GFOD1: variants seen among roughly 807,000 people sequenced by gnomAD.
The protein encoded by GFOD1 is Gfo/Idh/MocA-like oxidoreductase domain containing 1.
GFOD1 carries 9 observed loss-of-function variants against 25.4 expected under a neutral mutation model. The observed-to-expected ratio is 0.35, with a 90% confidence interval of 0.21 to 0.62. The LOEUF (loss-of-function observed/expected upper bound fraction) is 0.62, where lower values mean the gene tolerates loss of function less well. Ranked by LOEUF, GFOD1 falls within the 20% of genes least tolerant of loss-of-function variation. GFOD1 has a pLI of 0.72. For synonymous variants in GFOD1, 253 were observed against 245.6 expected, an observed-to-expected ratio of 1.03 and a Z score of -0.28; for missense variants, 403 against 556.9, an observed-to-expected ratio of 0.72 and a Z score of 2.78.
intron 1 of GFOD1, among the ~76,000 whole-genome samples, chr6:13,386,524 G>A (rs56119181): frequency 0.011 from 1,676 of 152,304 alleles, 28 homozygotes; most frequent in Middle Eastern, 0.02. Flanking sequence ...AACGTTTGGG[G>A]CAGAATGTCT....
Position 13,465,174 on chromosome 6 carries a change from G to C in GFOD1, c.253+21464C>G, listed in dbSNP as rs142798889. Among the ~76,000 whole-genome samples, 642 of 151,752 alleles carry C rather than the reference G, an allele frequency of 4.2e-3. 4 individuals carry two copies. The highest frequency in any genetic ancestry group is 0.015 in the African/African-American group (626 of 41,368). ...CTTTTGGCTTCCCTGGGCCACATTG[G>C]AAGAATTGTCTTGGGCCACATACAA... On this transcript the variant is annotated intron_variant, in intron 1 of 1. Coordinates refer to ENST00000379287, the MANE Select transcript of GFOD1 (RefSeq NM_018988.4).
chr6:13,369,609 C>T (rs1225404580), intron 1 of GFOD1, among the ~76,000 whole-genome samples: 3 of 152,146 alleles, frequency 2.0e-5, no homozygotes, highest in African/African-American at 7.2e-5. Context: ...CTGCAGTGAG[C>T]TATGACTGTG....
At chr6:13,412,442 A>C (rs1192814100) in intron 1 of GFOD1, among the ~76,000 whole-genome samples, 1 of 152,204 alleles carries the variant, frequency 6.6e-6, no homozygotes, top group Non-Finnish European at 1.5e-5. Context: ...AAACTATGAG[A>C]AGATAAATTT....
chr6:13,430,505 C>A lies in GFOD1; in HGVS notation c.253+56133G>T, dbSNP rs1485539194. 6.6e-6 allele frequency among the ~76,000 whole-genome samples: 1 copy of A among 151,874 alleles called. No homozygotes were observed. Among genetic ancestry groups the A allele is most frequent in the African/African-American group, 2.4e-5 (1 of 41,344 alleles). ...TCCAGCCATTGCACTGTGAAGGAAC[C>A]CGAGCCACATAGGGTATGGCATCAA... is the stretch of plus-strand genomic sequence containing the variant. On this transcript the variant is annotated intron_variant, in intron 1 of 1. Transcript: ENST00000379287. This position sits in a 1 kb window ranked among gnomAD's most constrained non-coding sequence, Gnocchi z 4.1.
intron 1 of GFOD1, among the ~76,000 whole-genome samples, chr6:13,381,913 GCGCACACACACACA>G (rs1283653122): frequency 1.9e-5 from 2 of 104,526 alleles, no homozygotes; most frequent in African/African-American, 6.2e-5. Context: ...ACACGCGCGC[GCGCACACACACACA>G]CACACACACA....
rs1378471073 is a variant in GFOD1, at chr6:13,418,445, TGAA to T, written c.254-52786_254-52784del. ...GCCATCAGGGATGATTCTCCTTGCA[TGAA>T]GAAGTTTTATTTTTTTATCTCAGCC... On this transcript the variant is annotated intron_variant, in intron 1 of 1. Coordinates refer to ENST00000379287, the MANE Select transcript of GFOD1 (RefSeq NM_018988.4). 1.2e-4 allele frequency among the ~76,000 whole-genome samples: 19 copies of T among 152,350 alleles called. No homozygotes were observed. In the South Asian group the frequency reaches 3.9e-3, roughly 32 times the overall value.
In GFOD1 at chr6:13,373,575, A is replaced by G. The variant is rs371870630; in HGVS notation, c.254-7913T>C. Among the ~76,000 whole-genome samples the G allele has an allele frequency of 2.6e-5, 4 of 152,172 alleles. 1 individual carries two copies. The South Asian group carries it at 8.3e-4, about 32-fold the overall frequency. ...AAGACAAATCTCTGGTTTCAACAGA[A>G]CTAAGCATATGAACAGAGCTATTTA... On this transcript the variant is annotated intron_variant, in intron 1 of 1. Coordinates refer to ENST00000379287, the MANE Select transcript of GFOD1 (RefSeq NM_018988.4).
intron 1 of GFOD1, among the ~76,000 whole-genome samples, chr6:13,377,099 T>C (rs561735903): frequency 2.6e-5 from 4 of 151,668 alleles, no homozygotes; most frequent in African/African-American, 4.8e-5. Flanking sequence ...TCCAGAAACA[T>C]TGGGTTTCTT....
chr6:13,476,809 A>G (rs1205312431), intron 1 of GFOD1, among the ~76,000 whole-genome samples: 1 of 152,180 alleles, frequency 6.6e-6, no homozygotes, highest in Non-Finnish European at 1.5e-5. Flanking sequence ...TTAATTCTCC[A>G]CAGTAGGATA....
chr6:13,482,831 T>C (rs1037323383), intron 1 of GFOD1, among the ~76,000 whole-genome samples: 2 of 152,108 alleles, frequency 1.3e-5, no homozygotes, highest in African/African-American at 4.8e-5. Flanking sequence ...ATATATATTA[T>C]TTTTAATACT....
At chr6:13,405,767 T>C (rs1785933521) in intron 1 of GFOD1, among the ~76,000 whole-genome samples, 1 of 152,214 alleles carries the variant, frequency 6.6e-6, no homozygotes, top group East Asian at 1.9e-4. Flanking sequence ...ACAGCTTCTA[T>C]TTTTGCTGCT....
At chr6:13,432,587 C>G (rs1020873805) in intron 1 of GFOD1, among the ~76,000 whole-genome samples, 1 of 152,084 alleles carries the variant, frequency 6.6e-6, no homozygotes, top group Non-Finnish European at 1.5e-5. Flanking sequence ...TCCACGTCAG[C>G]CAAAGGTGAC....
At chr6:13,433,179 G>C (rs1309313053) in intron 1 of GFOD1, among the ~76,000 whole-genome samples, 1 of 150,866 alleles carries the variant, frequency 6.6e-6, no homozygotes, top group Non-Finnish European at 1.5e-5. Context: ...GAGTGCAATG[G>C]CACAATCTCA....
At chr6:13,474,496 T>C (rs918204040) in intron 1 of GFOD1, among the ~76,000 whole-genome samples, 1 of 152,218 alleles carries the variant, frequency 6.6e-6, no homozygotes, top group African/African-American at 2.4e-5. Context: ...AATCCAATAA[T>C]GATTTTTGAG....
rs559592477 is a variant in GFOD1 at position 13,368,079 on chromosome 6, G to A, written c.254-2417C>T. Among the ~76,000 whole-genome samples the A allele has an allele frequency of 1.5e-4, 23 of 152,378 alleles. No individual in the cohort carries two copies. The South Asian group carries it at 4.6e-3, about 30-fold the overall frequency. The stretch of plus-strand genomic sequence containing the variant: ...TTGTAGAAGTCGTGAGATTGCAGAT[G>A]TCTGTCCAGGGCCACAGCCTGGCAC... On this transcript the variant is annotated intron_variant, in intron 1 of 1. Transcript: ENST00000379287.
At chr6:13,383,735 A>G (rs760357444) in intron 1 of GFOD1, among the ~76,000 whole-genome samples, 1 of 152,222 alleles carries the variant, frequency 6.6e-6, no homozygotes, top group Non-Finnish European at 1.5e-5. Context: ...AAGCTTAACC[A>G]ATTAGAAATG....
In GFOD1 at chr6:13,487,477, A is replaced by C. The variant is rs1320734104; in HGVS notation, c.-587T>G. On this transcript the variant is annotated 5_prime_UTR_variant, in exon 1 of 2. Transcript: ENST00000379287. This position sits in a 1 kb window ranked among gnomAD's most constrained non-coding sequence, Gnocchi z 4.9. ...AAGGATGCGGCCCGGAGCGCGCCGGACTGGGATCCCGAGCTGCAGCGCGGC... is the reference window on the plus strand; with the variant it reads ...AAGGATGCGGCCCGGAGCGCGCCGGCCTGGGATCCCGAGCTGCAGCGCGGC... The C allele has an allele frequency of 2.0e-5, 3 of 151,754 alleles. No homozygotes were observed. The highest frequency in any genetic ancestry group is 4.4e-5 in the Non-Finnish European group (3 of 67,922). 9.4% of individuals were successfully genotyped at this position (151,754 alleles called of 1,614,324 possible).
chr6:13,424,696 T>C (rs887711478), intron 1 of GFOD1, among the ~76,000 whole-genome samples: 2 of 151,990 alleles, frequency 1.3e-5, no homozygotes, highest in Admixed American at 6.6e-5. Context: ...TTAATAGTGG[T>C]TATTCCTCAT....
chr6:13,476,228 G>T (rs1017537289), intron 1 of GFOD1, among the ~76,000 whole-genome samples: 1 of 152,048 alleles, frequency 6.6e-6, no homozygotes, highest in Non-Finnish European at 1.5e-5. Flanking sequence ...AACAAAATGC[G>T]GTATATCCAC....
Sources: allele counts gnomAD v4.1 joint callset (sites outside exome capture counted in the v4.1 genomes callset), GRCh38; gene constraint gnomAD v4.1.1; non-coding constraint Gnocchi (gnomAD v3.1); transcripts MANE v1.5; gene names NCBI Gene and HGNC (gene_info 2026-07-23, HGNC 2026-07-21).